KLHL29: variants seen among roughly 807,000 people sequenced by gnomAD.
The protein encoded by KLHL29 is kelch-like protein 29.
KLHL29 carries 21 observed loss-of-function variants against 80.4 expected under a neutral mutation model. That is an observed-to-expected ratio of 0.26 (90% CI 0.19 to 0.38). The LOEUF is 0.38. Ranked by LOEUF, KLHL29 falls within the 10% of genes least tolerant of loss-of-function variation. The pLI is 1.00. For synonymous variants in KLHL29, 511 were observed against 526.8 expected, an observed-to-expected ratio of 0.97 and a Z score of 0.41; for missense variants, 867 against 1,223.9, an observed-to-expected ratio of 0.71 and a Z score of 4.35.
intron 1 of KLHL29, among the ~76,000 whole-genome samples, chr2:23,471,891 T>A (rs535640321): frequency 6.6e-6 from 1 of 152,312 alleles, no homozygotes; most frequent in Admixed American, 6.5e-5. Context: ...AGTGTTAACT[T>A]GGGAACAAAA....
chr2:23,459,491 C>G (rs1359218756), intron 1 of KLHL29, among the ~76,000 whole-genome samples: 2 of 152,066 alleles, frequency 1.3e-5, no homozygotes, highest in African/African-American at 4.8e-5. Flanking sequence ...GCTCTGATGT[C>G]TAATAGCCAG....
intron 1 of KLHL29, among the ~76,000 whole-genome samples, chr2:23,473,557 C>T (rs1248195108): frequency 6.6e-6 from 1 of 152,154 alleles, no homozygotes; most frequent in Non-Finnish European, 1.5e-5. Flanking sequence ...GGCAAGGCCA[C>T]TGTCGTCAGG....
Position 23,696,147 on chromosome 2 carries a change from G to A in KLHL29, c.1924+14G>A. On this transcript the variant is annotated intron_variant, in intron 10 of 13. Coordinates refer to ENST00000486442, the MANE Select transcript of KLHL29 (RefSeq NM_052920.2). The surrounding 1 kb of genome is among the most constrained non-coding windows in gnomAD (Gnocchi z 5.5). ...TCTACCTCTCAGGTGAGGCCCCCCG[G>A]GGTTGGGGCGGGACCAGGCATGGGG... is the stretch of plus-strand genomic sequence containing the variant. 3 of 1,548,534 alleles carry A rather than the reference G, an allele frequency of 1.9e-6. No homozygotes were observed. Among genetic ancestry groups the A allele is most frequent in the Non-Finnish European group, 2.6e-6 (3 of 1,145,090 alleles).
intron 2 of KLHL29, among the ~76,000 whole-genome samples, chr2:23,492,068 C>T (rs1004845004): frequency 6.6e-6 from 1 of 152,238 alleles, no homozygotes; most frequent in Non-Finnish European, 1.5e-5. Context: ...CTCTGGTACA[C>T]TGGCCCCAGC....
In KLHL29 at chr2:23,595,490, G is replaced by A. The variant is rs1163372996; in HGVS notation, c.285+33009G>A. On this transcript the variant is annotated intron_variant, in intron 3 of 13. Transcript: ENST00000486442. ...CCCTCTCTGTGCCAAGGCTTGGGAAGGTGGGCAGATGTCTCTGCACAGGCC... is the reference window on the plus strand; with the variant it reads ...CCCTCTCTGTGCCAAGGCTTGGGAAAGTGGGCAGATGTCTCTGCACAGGCC... Among the ~76,000 whole-genome samples the A allele has an allele frequency of 3.3e-5, 5 of 152,254 alleles. No homozygotes were observed. In the East Asian group the frequency reaches 7.7e-4, roughly 23 times the overall value.
At chr2:23,628,354 C>T (rs1225594180) in intron 3 of KLHL29, among the ~76,000 whole-genome samples, 1 of 144,234 alleles carries the variant, frequency 6.9e-6, no homozygotes, top group East Asian at 2.1e-4. Flanking sequence ...TCCTAGAATG[C>T]CCTCTGGGGA....
intron 6 of KLHL29, among the ~76,000 whole-genome samples, chr2:23,685,041 G>T (rs1671201091): frequency 6.6e-6 from 1 of 152,184 alleles, no homozygotes; most frequent in Non-Finnish European, 1.5e-5. Context: ...CTTTTCCCCA[G>T]CCCAAGTAGG....
chr2:23,567,261 A>G (rs192876466), intron 3 of KLHL29, among the ~76,000 whole-genome samples: 3 of 152,260 alleles, frequency 2.0e-5, no homozygotes, highest in East Asian at 3.9e-4. Flanking sequence ...GAAAGAATGG[A>G]CTCTGCAGAA....
chr2:23,618,600 A>T (rs946347009), intron 3 of KLHL29, among the ~76,000 whole-genome samples: 2 of 152,176 alleles, frequency 1.3e-5, no homozygotes, highest in African/African-American at 4.8e-5. Context: ...TTGGACTGGA[A>T]CTATACCAGT....
At chr2:23,559,342 G>A (rs1667382580) in intron 2 of KLHL29, among the ~76,000 whole-genome samples, 1 of 152,134 alleles carries the variant, frequency 6.6e-6, no homozygotes, top group African/African-American at 2.4e-5. Context: ...AGGATTTAAA[G>A]CAGGAAAGTA....
chr2:23,484,044 C>T (rs1277270620), intron 2 of KLHL29, among the ~76,000 whole-genome samples: 1 of 152,138 alleles, frequency 6.6e-6, no homozygotes, highest in Non-Finnish European at 1.5e-5. Flanking sequence ...GAAGGAGTCA[C>T]GTATGGGCTG....
At chr2:23,422,105 AGT>A (rs1662830842) in intron 1 of KLHL29, among the ~76,000 whole-genome samples, 1 of 136,518 alleles carries the variant, frequency 7.3e-6, no homozygotes, top group Admixed American at 7.3e-5. Context: ...TGTTTGTGTG[AGT>A]GTGTCAGTAT....
chr2:23,655,623 G>A (rs1200015511), intron 5 of KLHL29, among the ~76,000 whole-genome samples: 1 of 152,150 alleles, frequency 6.6e-6, no homozygotes, highest in Non-Finnish European at 1.5e-5. Context: ...ATGATCCATG[G>A]GCCTCTGGAA....
intron 2 of KLHL29, among the ~76,000 whole-genome samples, chr2:23,533,478 C>T (rs570862018): frequency 2.3e-4 from 35 of 152,218 alleles, no homozygotes; most frequent in African/African-American, 6.5e-4. Flanking sequence ...GAGCCTCTGC[C>T]GGGAGTGAAG....
intron 5 of KLHL29, among the ~76,000 whole-genome samples, chr2:23,674,932 C>T (rs1462767811): frequency 6.6e-6 from 1 of 152,192 alleles, no homozygotes; most frequent in Non-Finnish European, 1.5e-5. Flanking sequence ...CCCCAGCCCA[C>T]CTTCAGGCTT....
At chr2:23,404,940 T>A (rs1666689313) in intron 1 of KLHL29, among the ~76,000 whole-genome samples, 1 of 152,258 alleles carries the variant, frequency 6.6e-6, no homozygotes, top group Non-Finnish European at 1.5e-5. Flanking sequence ...CCAAGTTCTT[T>A]CCTTTATGTA....
intron 3 of KLHL29, among the ~76,000 whole-genome samples, chr2:23,595,655 C>A (rs113296924): frequency 0.017 from 2,608 of 152,306 alleles, 41 homozygotes; most frequent in Non-Finnish European, 0.031. Context: ...TAGAGGGGAG[C>A]AGTGTCCTGG....
At chr2:23,679,329 T>C (rs777790451) in intron 5 of KLHL29, among the ~76,000 whole-genome samples, 17 of 152,238 alleles carry the variant, frequency 1.1e-4, no homozygotes, top group Non-Finnish European at 1.9e-4. Flanking sequence ...CTGGTCTAAA[T>C]GCCTCATCTG....
chr2:23,624,439 C>T (rs1462114466), intron 3 of KLHL29, among the ~76,000 whole-genome samples: 3 of 152,208 alleles, frequency 2.0e-5, no homozygotes, highest in African/African-American at 7.2e-5. Flanking sequence ...TGGACTCTTG[C>T]TTCTTCGTTG....
Sources: gnomAD v4.1 joint callset for allele counts (sites outside exome capture counted in the v4.1 genomes callset) on GRCh38, gnomAD v4.1.1 for gene constraint, Gnocchi (gnomAD v3.1) non-coding constraint, MANE v1.5 for transcripts, NCBI Gene and HGNC (gene_info 2026-07-23, HGNC 2026-07-21) for gene names.